The following BCL2 variants were observed in gnomAD, a reference collection of about 807,000 sequenced individuals.
BCL2 encodes apoptosis regulator Bcl-2.
A neutral mutation model predicts 14.2 loss-of-function variants in BCL2; 1 was observed. That is an observed-to-expected ratio of 0.07 (90% CI 0.02 to 0.33). The LOEUF (loss-of-function observed/expected upper bound fraction) is 0.33, where lower values mean the gene tolerates loss of function less well. BCL2 is among the 10% of genes least tolerant of loss of function. The probability of loss-of-function intolerance (pLI) is 0.99; values close to 1 mark genes in which losing one functional copy is unlikely to be tolerated. For synonymous variants in BCL2, 151 were observed against 137.2 expected (o/e 1.10, Z -0.70); for missense variants, 247 against 305.9 (o/e 0.81, Z 1.44).
intron 2 of BCL2, among the ~76,000 whole-genome samples, chr18:63,225,168 AAAG>A (rs891883600): frequency 3.9e-5 from 6 of 152,348 alleles, no homozygotes; most frequent in African/African-American, 1.4e-4. Context: ...GACATGAAAA[AAAG>A]ACAGATATTA....
In BCL2 at chr18:63,189,905, AT is replaced by A. The variant is rs545006868; in HGVS notation, c.586-61147del. Among the ~76,000 whole-genome samples, 13 of 152,254 alleles carry A rather than the reference AT, an allele frequency of 8.5e-5. No homozygotes were observed. The South Asian group carries it at 2.5e-3, about 29-fold the overall frequency. On this transcript the variant is annotated intron_variant, in intron 2 of 2. Coordinates refer to ENST00000333681, the MANE Select transcript of BCL2 (RefSeq NM_000633.3). The stretch of plus-strand genomic sequence containing the variant: ...TCAGTATAGTTGTGGTGTCAAGTAT[AT>A]TTTGTTGTATTTGAATTCTATAAAA...
chr18:63,216,898 T>C (rs1910221788), intron 2 of BCL2, among the ~76,000 whole-genome samples: 1 of 152,236 alleles, frequency 6.6e-6, no homozygotes, highest in South Asian at 2.1e-4. Flanking sequence ...CAATTGTGGT[T>C]TTCCTTCTTC....
intron 2 of BCL2, among the ~76,000 whole-genome samples, chr18:63,197,658 G>T (rs1216380057): frequency 6.6e-6 from 1 of 151,898 alleles, no homozygotes; most frequent in African/African-American, 2.4e-5. Flanking sequence ...AAGGAGGGAG[G>T]GAAAAAGGGA....
intron 2 of BCL2, among the ~76,000 whole-genome samples, chr18:63,289,960 G>A (rs1300095424): frequency 2.0e-5 from 3 of 152,146 alleles, no homozygotes; most frequent in Non-Finnish European, 4.4e-5. Flanking sequence ...ACTGGAGTGC[G>A]GAGAAACTGG....
chr18:63,167,661 C>G (rs901487618), intron 2 of BCL2, among the ~76,000 whole-genome samples: 1 of 152,072 alleles, frequency 6.6e-6, no homozygotes, highest in African/African-American at 2.4e-5. Context: ...GGCGTGGTGG[C>G]TCCTGTCTGT....
chr18:63,252,101 T>C (rs113393799), intron 2 of BCL2, among the ~76,000 whole-genome samples: 3,738 of 152,344 alleles, frequency 0.025, 85 homozygotes, highest in Middle Eastern at 0.041. Context: ...GATAGAATTA[T>C]GTCTCTACCA....
chr18:63,270,259 A>T (rs1911967977), intron 2 of BCL2, among the ~76,000 whole-genome samples: 1 of 152,176 alleles, frequency 6.6e-6, no homozygotes, highest in African/African-American at 2.4e-5. Flanking sequence ...TTTCCTAGAG[A>T]TATACAAAAT....
chr18:63,139,036 C>T (rs1383137230), intron 2 of BCL2, among the ~76,000 whole-genome samples: 1 of 152,230 alleles, frequency 6.6e-6, no homozygotes, highest in Non-Finnish European at 1.5e-5. Flanking sequence ...CTAATGGAGA[C>T]TTCAGCCGGA....
At chr18:63,160,519 G>A (rs1196316914) in intron 2 of BCL2, among the ~76,000 whole-genome samples, 1 of 152,204 alleles carries the variant, frequency 6.6e-6, no homozygotes, top group Admixed American at 6.5e-5. Flanking sequence ...CTCAACCACA[G>A]TGCAGAGTCC....
rs1021734515 is a variant in BCL2 at position 63,127,195 on chromosome 18, C to A, written c.*1430G>T. 1 of 230,184 alleles carries A rather than the reference C, an allele frequency of 4.3e-6. No individual in the cohort carries two copies. Among genetic ancestry groups the A allele is most frequent in the African/African-American group, 2.2e-5 (1 of 45,156 alleles). The allele number at this position is 230,184 out of a possible 1,614,324, so 14.3% of individuals were successfully genotyped here. A position where few individuals can be genotyped will look rare whatever the true frequency, so the allele number is the denominator to read the frequency against. On this transcript the variant is annotated 3_prime_UTR_variant, in exon 3 of 3. Transcript: ENST00000333681. ...TCAATTAATCCATGACACCTCACTT[C>A]AATGCTTCTTTTAGGATTTGTGACC...
chr18:63,292,827 G>A (rs779566211), intron 2 of BCL2, among the ~76,000 whole-genome samples: 43 of 152,344 alleles, frequency 2.8e-4, no homozygotes, highest in African/African-American at 9.4e-4. Context: ...CTCCCACCAC[G>A]CATTAGGGAA....
intron 2 of BCL2, among the ~76,000 whole-genome samples, chr18:63,235,882 A>T (rs1448271033): frequency 3.9e-5 from 6 of 151,936 alleles, no homozygotes; most frequent in East Asian, 3.9e-4. Flanking sequence ...ATATATATAT[A>T]TTTTTAAATG....
rs1024557927 is a variant in BCL2, at chr18:63,125,188, A to T, written c.*3437T>A. 4.5e-6 allele frequency: 1 copy of T among 223,234 alleles called. No individual in the cohort carries two copies. The highest frequency in any genetic ancestry group is 8.9e-6 in the Non-Finnish European group (1 of 111,848). The allele number at this position is 223,234 out of a possible 1,614,324, so 13.8% of individuals were successfully genotyped here. A position where few individuals can be genotyped will look rare whatever the true frequency, so the allele number is the denominator to read the frequency against. On this transcript the variant is annotated 3_prime_UTR_variant, in exon 3 of 3. Transcript: ENST00000333681. ...TAGATGATAAGCATTTACTAATAAA[A>T]CAAAGATCACATATAAATGGAAGGC... is the stretch of plus-strand genomic sequence containing the variant.
At chr18:63,292,206 C>T (rs1206499653) in intron 2 of BCL2, among the ~76,000 whole-genome samples, 1 of 149,572 alleles carries the variant, frequency 6.7e-6, no homozygotes, top group Non-Finnish European at 1.5e-5. Flanking sequence ...ACTCCTAGCC[C>T]CAGCCAACCC....
At chr18:63,237,227 A>G (rs927331632) in intron 2 of BCL2, among the ~76,000 whole-genome samples, 1 of 152,016 alleles carries the variant, frequency 6.6e-6, no homozygotes, top group Non-Finnish European at 1.5e-5. Context: ...CATATGCACC[A>G]TCCCATCCAA....
chr18:63,187,566 C>T (rs1428936069), intron 2 of BCL2, among the ~76,000 whole-genome samples: 1 of 152,216 alleles, frequency 6.6e-6, no homozygotes, highest in Non-Finnish European at 1.5e-5. Context: ...TACACCCACC[C>T]CACTTATCCT....
Position 63,289,748 on chromosome 18 carries a change from G to T in BCL2, c.585+28334C>A, listed in dbSNP as rs551004087. ...GCCTCTACTAAAAATACAAAAATTAGCCAGGCATGGTGGTGCATGCCTGTA... is the reference window on the plus strand; with the variant it reads ...GCCTCTACTAAAAATACAAAAATTATCCAGGCATGGTGGTGCATGCCTGTA... On this transcript the variant is annotated intron_variant, in intron 2 of 2. Coordinates refer to ENST00000333681, the MANE Select transcript of BCL2 (RefSeq NM_000633.3). 6.6e-5 allele frequency among the ~76,000 whole-genome samples: 10 copies of T among 152,138 alleles called. No homozygotes were observed. The South Asian group carries it at 2.1e-3, about 32-fold the overall frequency.
At position 63,212,134 on chromosome 18, in the gene BCL2, T is replaced by C. The variant is rs561671251; in HGVS notation, c.586-83375A>G. 1.1e-3 allele frequency among the ~76,000 whole-genome samples: 174 copies of C among 151,910 alleles called. 1 individual carries two copies. The highest frequency in any genetic ancestry group is 2.5e-3 in the East Asian group (13 of 5,168). On this transcript the variant is annotated intron_variant, in intron 2 of 2. Coordinates refer to ENST00000333681, the MANE Select transcript of BCL2 (RefSeq NM_000633.3). ...CAAGGTCAGGAGTTCGAGACCATCC[T>C]GGCCAACATGGTGAAACCCCGTCTC...
chr18:63,151,945 A>G (rs923427752), intron 2 of BCL2, among the ~76,000 whole-genome samples: 1 of 152,188 alleles, frequency 6.6e-6, no homozygotes, highest in Non-Finnish European at 1.5e-5. Flanking sequence ...GGGCTCCTTC[A>G]TGGGAGGGAA....
Sources: allele counts gnomAD v4.1 joint callset (sites outside exome capture counted in the v4.1 genomes callset), GRCh38; gene constraint gnomAD v4.1.1; transcripts MANE v1.5; gene names NCBI Gene and HGNC (gene_info 2026-07-23, HGNC 2026-07-21).